The following TRIP12 variants were observed in gnomAD, a reference collection of about 807,000 sequenced individuals.
TRIP12 encodes thyroid hormone receptor interactor 12.
Under a neutral mutation model 244.2 loss-of-function variants are expected in TRIP12, and 25 were observed. The observed-to-expected ratio is 0.10, with a 90% CI of 0.07 to 0.14. The LOEUF (loss-of-function observed/expected upper bound fraction) is 0.14, where lower values mean the gene tolerates loss of function less well. Among genes scored for constraint, TRIP12 ranks in the 10% least tolerant of loss-of-function variants. The probability of loss-of-function intolerance (pLI) is 1.00; values close to 1 mark genes in which losing one functional copy is unlikely to be tolerated. For missense variants in TRIP12, 1,677 were observed against 2,486.4 expected (o/e 0.67, Z 6.92); for synonymous variants, 905 against 873.1 (o/e 1.04, Z -0.64).
intron 33 of TRIP12, among the ~76,000 whole-genome samples, 167 bp downstream of exon 33, chr2:229,787,338 A>G (rs2040359541): frequency 6.6e-6 from 1 of 152,214 alleles, no homozygotes; most frequent in African/African-American, 2.4e-5. Context: ...AATGAAGAAT[A>G]AGGAAGAATC....
chr2:229,819,710 C>T (rs931672860), intron 8 of TRIP12, among the ~76,000 whole-genome samples: 3 of 152,118 alleles, frequency 2.0e-5, no homozygotes, highest in African/African-American at 7.2e-5. Context: ...AGTTATTCTT[C>T]GCAAATTGGA....
At chr2:229,880,401 A>C (rs1461468665) in intron 1 of TRIP12, among the ~76,000 whole-genome samples, 1 of 152,224 alleles carries the variant, frequency 6.6e-6, no homozygotes, top group Non-Finnish European at 1.5e-5. Flanking sequence ...AAAATTCTCA[A>C]TTCAAAGAAA....
At chr2:229,818,897 T>G (rs549790282) in intron 8 of TRIP12, among the ~76,000 whole-genome samples, 2 of 152,266 alleles carry the variant, frequency 1.3e-5, no homozygotes, top group Non-Finnish European at 2.9e-5. Flanking sequence ...ATGCCCATAC[T>G]TCAAAGGAAA....
chr2:229,890,756 T>TA (rs987703760), intron 1 of TRIP12, among the ~76,000 whole-genome samples: 2 of 151,772 alleles, frequency 1.3e-5, no homozygotes, highest in Admixed American at 6.6e-5. Flanking sequence ...TTTCAAAAGT[T>TA]AAAAAAAAAT....
Position 229,778,292 on chromosome 2 carries a change from C to G in TRIP12, c.5364+141G>C. On this transcript the variant is annotated intron_variant, in intron 36 of 41. Coordinates refer to ENST00000675903, the MANE Select transcript of TRIP12 (RefSeq NM_001348323.3). The surrounding 1 kb of genome is among the most constrained non-coding windows in gnomAD (Gnocchi z 4.1). ...ACTGAATCAGAACCGGCATTTTTAA[C>G]AAAATCCCCAAGTAATTCATATGTG... 2 of 1,137,784 alleles carry G rather than the reference C, an allele frequency of 1.8e-6. No homozygotes were observed. Among genetic ancestry groups the G allele is most frequent in the Non-Finnish European group, 2.5e-6 (2 of 807,218 alleles). 70.5% of individuals were successfully genotyped at this position (1,137,784 alleles called of 1,614,324 possible). A position where few individuals can be genotyped will look rare whatever the true frequency, so the allele number is the denominator to read the frequency against.
chr2:229,779,377 TCC>T (rs928252649), intron 34 of TRIP12, among the ~76,000 whole-genome samples: 1 of 152,020 alleles, frequency 6.6e-6, no homozygotes, highest in African/African-American at 2.4e-5. Context: ...AGGGGAAGGC[TCC>T]CCCCAGCATC....
At position 229,767,719 on chromosome 2, in the gene TRIP12, A is replaced by C; in HGVS notation, c.6039T>G (p.Ile2013Met). The change falls in exon 42 of 42, where the codon ATT becomes ATG. Residue 2013 changes from isoleucine to methionine, a missense_variant. Physicochemically the swap from Ile to Met is conservative, Grantham distance 10. Coordinates refer to ENST00000675903, the MANE Select transcript of TRIP12 (RefSeq NM_001348323.3). ...GFRSLNPPLTIVRKTFESTEN... is the reference protein window; with the variant it reads ...GFRSLNPPLTMVRKTFESTEN... The stretch of plus-strand genomic sequence containing the variant: ...CTGTTGATTCAAACGTCTTTCGGAC[A>C]ATTGTCAAAGGTGGATTCAAACTCC... The C allele has an allele frequency of 6.2e-7, 1 of 1,613,534 alleles. No individual in the cohort carries two copies. Among genetic ancestry groups the C allele is most frequent in the Non-Finnish European group, 8.5e-7 (1 of 1,179,852 alleles).
chr2:229,881,761 C>A (rs1291471304), intron 1 of TRIP12, among the ~76,000 whole-genome samples: 1 of 152,174 alleles, frequency 6.6e-6, no homozygotes, highest in Non-Finnish European at 1.5e-5. Flanking sequence ...ATGAAACTCT[C>A]ATTTGTGTGT....
chr2:229,901,492 G>A (rs577691689), intron 1 of TRIP12, among the ~76,000 whole-genome samples: 9 of 151,546 alleles, frequency 5.9e-5, no homozygotes, highest in African/African-American at 1.7e-4. Flanking sequence ...GTGTGGTGGC[G>A]CACACTTGTA....
chr2:229,876,226 G>C (rs750554289), intron 2 of TRIP12, among the ~76,000 whole-genome samples: 1 of 152,004 alleles, frequency 6.6e-6, no homozygotes, highest in African/African-American at 2.4e-5. Flanking sequence ...CAGTGAGCCC[G>C]GATGATGCCA....
At position 229,807,760 on chromosome 2, in the gene TRIP12, T is replaced by G. The variant is rs2046236896; in HGVS notation, c.2444A>C (p.Asp815Ala). ...ATATGGATGCCAGAGGCCCCGATCA[T>G]CACGCCACTGCCATATCGCACCATC... Reference protein sequence around the residue: ...NTDGAIWQWRDDRGLWHPYNR... With the variant: ...NTDGAIWQWRADRGLWHPYNR... Residue 815 changes from aspartate to alanine, a missense_variant, in exon 17 of 42, where the codon GAT becomes GCT. This residue lies in a region of TRIP12 where 572 missense variants were observed against 867.8 expected (regional missense o/e 0.66). Transcript: ENST00000675903. The G allele has an allele frequency of 6.2e-7, 1 of 1,614,044 alleles. No individual in the cohort carries two copies. Among genetic ancestry groups the G allele is most frequent in the Non-Finnish European group, 8.5e-7 (1 of 1,180,034 alleles).
chr2:229,859,441 G>A lies in TRIP12; in HGVS notation c.358C>T (p.Pro120Ser), dbSNP rs1318758254. ...GGAGAATTGGTCCTGTTGTAGTCTGGACTAGCACTGCGCTTCACTCCTCGA... is the reference window on the plus strand; with the variant it reads ...GGAGAATTGGTCCTGTTGTAGTCTGAACTAGCACTGCGCTTCACTCCTCGA... ...NSRGVKRSAS[P>S]DYNRTNSPSS... The change falls in exon 4 of 42, where the codon CCA becomes TCA. Residue 120 changes from proline (P) to serine (S), a missense_variant. Physicochemically the swap from Pro to Ser is moderately conservative, Grantham distance 74. Transcript: ENST00000675903. The A allele has an allele frequency of 1.9e-6, 3 of 1,614,146 alleles. No homozygotes were observed. Among genetic ancestry groups the A allele is most frequent in the East Asian group, 4.5e-5 (2 of 44,874 alleles).
intron 1 of TRIP12, among the ~76,000 whole-genome samples, chr2:229,917,622 T>C (rs1427657625): frequency 6.6e-6 from 1 of 151,874 alleles, no homozygotes; most frequent in Non-Finnish European, 1.5e-5. Flanking sequence ...TTGATATCCA[T>C]CCAGGCACTC....
At chr2:229,798,268 T>C (rs1360298612) in intron 23 of TRIP12, among the ~76,000 whole-genome samples, 1 of 152,200 alleles carries the variant, frequency 6.6e-6, no homozygotes, top group Non-Finnish European at 1.5e-5. Flanking sequence ...AAATTACAAA[T>C]GCTGATGGCT....
intron 13 of TRIP12, among the ~76,000 whole-genome samples, chr2:229,812,957 A>G (rs995589763): frequency 1.3e-5 from 2 of 152,250 alleles, no homozygotes; most frequent in Admixed American, 6.5e-5. Context: ...GCTTTAAAAT[A>G]TTTCTCTGTA....
chr2:229,863,423 G>A (rs1371930405), intron 2 of TRIP12, among the ~76,000 whole-genome samples: 5 of 152,028 alleles, frequency 3.3e-5, no homozygotes, highest in Non-Finnish European at 5.9e-5. Context: ...CCATAAAGGA[G>A]AGTAAATATT....
At chr2:229,805,551 C>G (rs1454249451) in intron 18 of TRIP12, among the ~76,000 whole-genome samples, 179 bp downstream of exon 18, 1 of 152,124 alleles carries the variant, frequency 6.6e-6, no homozygotes, top group African/African-American at 2.4e-5. Context: ...GAAAAGATAC[C>G]AGTTAATACT....
intron 2 of TRIP12, among the ~76,000 whole-genome samples, chr2:229,876,411 C>T (rs1204222909): frequency 6.6e-6 from 1 of 152,164 alleles, no homozygotes; most frequent in Admixed American, 6.5e-5. Context: ...GAGCCAGCAT[C>T]TTCTCATCTC....
At chr2:229,807,888 T>G in intron 16 of TRIP12, 24 bp from the exon 17 acceptor site, 1 of 1,594,590 alleles carries the variant, frequency 6.3e-7, no homozygotes, top group Non-Finnish European at 8.6e-7. Flanking sequence ...GTACAATAAT[T>G]TTAGTAACTT....
Sources: gnomAD v4.1 joint callset for allele counts (sites outside exome capture counted in the v4.1 genomes callset) on GRCh38, gnomAD v4.1.1 for gene constraint, gnomAD v4.1.1 regional missense constraint, Gnocchi (gnomAD v3.1) non-coding constraint, MANE v1.5 for transcripts, NCBI Gene and HGNC (gene_info 2026-07-23, HGNC 2026-07-21) for gene names.